PEG3: variants seen among roughly 807,000 people sequenced by gnomAD.
The protein encoded by PEG3 is paternally expressed 3.
In PEG3, 23 loss-of-function variants were observed where a neutral mutation model predicts 35.5. The ratio of observed to expected loss-of-function variants is 0.65; its 90% CI spans 0.47 to 0.92. The LOEUF is 0.92. PEG3 is among the 40% of genes least tolerant of loss of function. The pLI is 0.00. For synonymous variants in PEG3, 707 were observed against 697.0 expected (o/e 1.01, Z -0.23); for missense variants, 1,960 against 1,985.3 (o/e 0.99, Z 0.24).
chr19:56,820,937 G>A (rs1425477675), intron 7 of PEG3, among the ~76,000 whole-genome samples: 1 of 152,074 alleles, frequency 6.6e-6, no homozygotes, highest in Non-Finnish European at 1.5e-5. Context: ...TCAGTGCTGG[G>A]GTCCTCCTCC....
chr19:56,821,898 T>C, intron 6 of PEG3, 144 bp from the exon 7 acceptor site: 1 of 848,424 alleles, frequency 1.2e-6, no homozygotes, highest in Non-Finnish European at 1.8e-6. Context: ...TGTGGCAGCC[T>C]CTGAGGAGTC....
In PEG3 at chr19:56,815,200, T is replaced by G; in HGVS notation, c.3242A>C (p.Gln1081Pro). The change falls in exon 10 of 10, where the codon CAG becomes CCG. Residue 1081 changes from glutamine to proline, a missense_variant. By Grantham distance (76) the Gln-to-Pro change is moderately conservative (BLOSUM62 -1). Transcript: ENST00000326441. Reference sequence around the variant, plus strand: ...AATGACAGGGTCTTCAATTGTCTCCTGACCATGGGTCTCCTCGCTGTGGGT... The same window carrying G: ...AATGACAGGGTCTTCAATTGTCTCCGGACCATGGGTCTCCTCGCTGTGGGT... ...EETHSEETHG[Q>P]ETIEDPVIQG... 1 of 1,614,006 alleles carries G rather than the reference T, an allele frequency of 6.2e-7. No individual in the cohort carries two copies. The highest frequency in any genetic ancestry group is 8.5e-7 in the Non-Finnish European group (1 of 1,179,868).
chr19:56,834,638 T>G (rs987924993), intron 2 of PEG3, among the ~76,000 whole-genome samples: 9 of 152,180 alleles, frequency 5.9e-5, no homozygotes, highest in African/African-American at 2.2e-4. Context: ...TCTACCAACA[T>G]GAGCCCTCGG....
Position 56,816,672 on chromosome 19 carries a change from T to C in PEG3, c.1770A>G (p.Lys590=), listed in dbSNP as rs372566659. 94 of 1,613,968 alleles carry C rather than the reference T, an allele frequency of 5.8e-5. No individual in the cohort carries two copies. The highest frequency in any genetic ancestry group is 7.5e-5 in the Non-Finnish European group (89 of 1,179,964). ...CACGTTCATGTTCACGCTCATTATC[T>C]TTGTCATCCCCAAAGTGGATTTTCT... ...EHQKIHFGDD[K]DNEREHERER... The change falls in exon 10 of 10, where the codon AAA becomes AAG. Residue 590 remains lysine (K), a synonymous_variant. Coordinates refer to ENST00000326441, the MANE Select transcript of PEG3 (RefSeq NM_006210.3).
chr19:56,812,321 TC>T lies in PEG3; in HGVS notation c.*1353del. On this transcript the variant is annotated 3_prime_UTR_variant, in exon 10 of 10. Transcript: ENST00000326441. The stretch of plus-strand genomic sequence containing the variant: ...AGATGAACACAACACTCAGAAATAC[TC>T]TAGGAGAGCTGAAAAAGAAGGAACA... The T allele has an allele frequency of 1.0e-6, 1 of 982,254 alleles. No individual in the cohort carries two copies. Among genetic ancestry groups the T allele is most frequent in the East Asian group, 1.1e-4 (1 of 8,798 alleles). The allele number at this position is 982,254 out of a possible 1,614,324, so 60.8% of individuals were successfully genotyped here.
intron 6 of PEG3, 116 bp downstream of exon 6, chr19:56,822,637 G>T: frequency 7.1e-7 from 1 of 1,412,984 alleles, no homozygotes; most frequent in Non-Finnish European, 9.6e-7. Context: ...TTGGGGAAGC[G>T]GAATATACTC....
Position 56,814,365 on chromosome 19 carries a change from T to C in PEG3, c.4077A>G (p.Glu1359=). 1.2e-6 allele frequency: 2 copies of C among 1,613,844 alleles called. No individual in the cohort carries two copies. The highest frequency in any genetic ancestry group is 1.7e-6 in the Non-Finnish European group (2 of 1,179,724). The change falls in exon 10 of 10, where the codon GAA becomes GAG. Residue 1359 remains glutamate, a synonymous_variant. Coordinates refer to ENST00000326441, the MANE Select transcript of PEG3 (RefSeq NM_006210.3). The surrounding 1 kb of genome is among the most constrained non-coding windows in gnomAD (Gnocchi z 5.8). ...KHKELHLEEE[E]EDEAAAAAAA... ...CTGCAGCTGCTGCTGCTTCATCTTC[T>C]TCTTCTTCTTCCAGATGAAGCTCCT... is the stretch of plus-strand genomic sequence containing the variant.
chr19:56,829,873 C>A (rs982495350), intron 2 of PEG3, among the ~76,000 whole-genome samples: 1 of 152,236 alleles, frequency 6.6e-6, no homozygotes, highest in Non-Finnish European at 1.5e-5. Context: ...GCCCACTTGG[C>A]CCCCACTTCC....
rs569895240 is a variant in PEG3 at position 56,812,727 on chromosome 19, A to G, written c.*948T>C. 4.2e-5 allele frequency: 41 copies of G among 985,058 alleles called. No homozygotes were observed. In the African/African-American group the frequency reaches 6.3e-4, roughly 15 times the overall value. The allele number at this position is 985,058 out of a possible 1,614,324, so 61.0% of individuals were successfully genotyped here. A position where few individuals can be genotyped will look rare whatever the true frequency, so the allele number is the denominator to read the frequency against. The stretch of plus-strand genomic sequence containing the variant: ...ACTACTGTGATCTAGTGATGGTTGT[A>G]ACCCATTCTTTAAAGGCAAAGATGT... On this transcript the variant is annotated 3_prime_UTR_variant, in exon 10 of 10. Coordinates refer to ENST00000326441, the MANE Select transcript of PEG3 (RefSeq NM_006210.3).
At chr19:56,835,965 C>T (rs2062057355) in intron 2 of PEG3, 53 bp downstream of exon 2, 7 of 491,252 alleles carry the variant, frequency 1.4e-5, no homozygotes, top group East Asian at 1.2e-4. Flanking sequence ...TAAGGAAGTG[C>T]GGTGGTCACT....
rs548849327 is a variant in PEG3, at chr19:56,817,620, TAAG to T, written c.863-44_863-42del. The stretch of plus-strand genomic sequence containing the variant: ...AAATGTAAATACTCCCTAGTCCCCA[TAAG>T]AAGGACAGTGGGACTTGGAGGGGTG... On this transcript the variant is annotated intron_variant, in intron 9 of 9. Coordinates refer to ENST00000326441, the MANE Select transcript of PEG3 (RefSeq NM_006210.3). 1.2e-3 allele frequency: 1,919 copies of T among 1,552,098 alleles called. 20 individuals carry two copies. The African/African-American group carries it at 0.023, about 19-fold the overall frequency.
chr19:56,815,519 C>A lies in PEG3; in HGVS notation c.2923G>T (p.Gly975Trp). ...RGMLYECQEC[G>W]ECFAHSSDLT... ...TCAGAGCTATGAGCAAAGCACTCCCCACACTCCTGACATTCATAGAGCATC... is the reference window on the plus strand; with the variant it reads ...TCAGAGCTATGAGCAAAGCACTCCCAACACTCCTGACATTCATAGAGCATC... Residue 975 changes from glycine (G) to tryptophan (W), a missense_variant, in exon 10 of 10, where the codon GGG (glycine) becomes TGG (tryptophan). Physicochemically the swap from Gly to Trp is radical, Grantham distance 184 (BLOSUM62 -2). Transcript: ENST00000326441. 6.2e-7 allele frequency: 1 copy of A among 1,614,170 alleles called. No individual in the cohort carries two copies. Among genetic ancestry groups the A allele is most frequent in the Non-Finnish European group, 8.5e-7 (1 of 1,180,020 alleles).
chr19:56,819,026 C>T (rs927729628), intron 7 of PEG3, among the ~76,000 whole-genome samples: 5 of 152,110 alleles, frequency 3.3e-5, no homozygotes, highest in South Asian at 4.1e-4. Context: ...AAGTGCTAAA[C>T]GGGTTTTGTA....
chr19:56,818,573 G>A (rs2146242167), intron 8 of PEG3, 27 bp downstream of exon 8: 2 of 1,612,482 alleles, frequency 1.2e-6, no homozygotes, highest in East Asian at 4.5e-5. Context: ...ACTGGACTGG[G>A]AGTGACTGAG....
Position 56,824,611 on chromosome 19 carries a change from G to A in PEG3, c.45C>T (p.Ser15=). The change falls in exon 4 of 10, where the codon TCC becomes TCT. Residue 15 remains serine (S), a synonymous_variant. Transcript: ENST00000326441. ...CTAGCTCATACAGATTTGGGGCCCA[G>A]GACTTCTTAGGTTTGGTGGCAGACA... ...KHLSATKPKK[S]WAPNLYELDS... 6.2e-7 allele frequency: 1 copy of A among 1,607,338 alleles called. No individual in the cohort carries two copies. Among genetic ancestry groups the A allele is most frequent in the East Asian group, 2.2e-5 (1 of 44,702 alleles).
rs2059719744 is a variant in PEG3, at chr19:56,813,872, G to A, written c.4570C>T (p.Leu1524=). 3.1e-6 allele frequency: 5 copies of A among 1,614,172 alleles called. No homozygotes were observed. Among genetic ancestry groups the A allele is most frequent in the Non-Finnish European group, 4.2e-6 (5 of 1,180,042 alleles). The stretch of plus-strand genomic sequence containing the variant: ...ATGATCATGCTGGCATGAGTTTTCA[G>A]GTGTTCACTGAATGCTGTGCTGGAA... ...FTSSTAFSEH[L]KTHASMIIFE... is the part of the protein sequence containing the mutation. The change falls in exon 10 of 10, where the codon CTG becomes TTG. Residue 1524 remains leucine, a synonymous_variant. Coordinates refer to ENST00000326441, the MANE Select transcript of PEG3 (RefSeq NM_006210.3).
chr19:56,810,215 T>A lies in PEG3; in HGVS notation c.*3460A>T. 1.0e-6 allele frequency: 1 copy of A among 983,120 alleles called. No individual in the cohort carries two copies. The highest frequency in any genetic ancestry group is 1.2e-6 in the Non-Finnish European group (1 of 827,840). The allele number at this position is 983,120 out of a possible 1,614,324, so 60.9% of individuals were successfully genotyped here. A position where few individuals can be genotyped will look rare whatever the true frequency, so the allele number is the denominator to read the frequency against. ...CAAGATGTTAACCACACTCTTTGGATGGTGAAAACATGGGTGAGTTTCTCT... is the reference window on the plus strand; with the variant it reads ...CAAGATGTTAACCACACTCTTTGGAAGGTGAAAACATGGGTGAGTTTCTCT... On this transcript the variant is annotated 3_prime_UTR_variant, in exon 10 of 10. Coordinates refer to ENST00000326441, the MANE Select transcript of PEG3 (RefSeq NM_006210.3).
In PEG3 at chr19:56,824,283, T is replaced by C. The variant is rs1264153489; in HGVS notation, c.373A>G (p.Lys125Glu). ...EKLVTLLENYKEMYQPEDDNN... is the reference protein window; with the variant it reads ...EKLVTLLENYEEMYQPEDDNN... ...TCACCTTCTGGTTGGTACATCTCCT[T>C]GTAATTCTCCAGCAGAGTGACGAGC... Residue 125 changes from lysine (K) to glutamate (E), a missense_variant, in exon 4 of 10, where the codon AAG (lysine) becomes GAG (glutamate). By Grantham distance (56) the Lys-to-Glu change is moderately conservative. Coordinates refer to ENST00000326441, the MANE Select transcript of PEG3 (RefSeq NM_006210.3). The C allele has an allele frequency of 1.2e-6, 2 of 1,613,980 alleles. No homozygotes were observed. Among genetic ancestry groups the C allele is most frequent in the Non-Finnish European group, 1.7e-6 (2 of 1,179,996 alleles).
intron 6 of PEG3, 139 bp from the exon 7 acceptor site, chr19:56,821,893 C>A (rs899216088): frequency 1.1e-6 from 1 of 912,108 alleles, no homozygotes; most frequent in Non-Finnish European, 1.7e-6. Context: ...CATTCTGTGG[C>A]AGCCTCTGAG....
Sources: allele counts gnomAD v4.1 joint callset (sites outside exome capture counted in the v4.1 genomes callset), GRCh38; gene constraint gnomAD v4.1.1; non-coding constraint Gnocchi (gnomAD v3.1); transcripts MANE v1.5; gene names NCBI Gene and HGNC (gene_info 2026-07-23, HGNC 2026-07-21).